The following ZDHHC5 variants were observed in gnomAD, a reference collection of about 807,000 sequenced individuals.
The protein encoded by ZDHHC5 is palmitoyltransferase ZDHHC5.
Under a neutral mutation model 70.0 loss-of-function variants are expected in ZDHHC5, and 22 were observed. The observed-to-expected ratio is 0.31, with a 90% CI of 0.22 to 0.45. The LOEUF (loss-of-function observed/expected upper bound fraction) is 0.45. ZDHHC5 is among the 20% of genes least tolerant of loss of function. The probability of loss-of-function intolerance (pLI) is 1.00; values close to 1 mark genes in which losing one functional copy is unlikely to be tolerated. For synonymous variants in ZDHHC5, 313 were observed against 347.8 expected (o/e 0.90, Z 1.11); for missense variants, 746 against 926.9 (o/e 0.80, Z 2.53).
At chr11:57,673,564 A>C (rs982735172) in intron 2 of ZDHHC5, among the ~76,000 whole-genome samples, 12 of 152,146 alleles carry the variant, frequency 7.9e-5, no homozygotes, top group African/African-American at 2.7e-4. Flanking sequence ...AGAGAACTAG[A>C]CTAGACTAAA....
In ZDHHC5 at chr11:57,699,070, A is replaced by T; in HGVS notation, c.1634A>T (p.Gln545Leu). The T allele has an allele frequency of 6.2e-7, 1 of 1,613,326 alleles. No individual in the cohort carries two copies. The highest frequency in any genetic ancestry group is 8.5e-7 in the Non-Finnish European group (1 of 1,179,876). Reference protein sequence around the residue: ...NLSRHIVASLQEREKLLRQSP... With the variant: ...NLSRHIVASLLEREKLLRQSP... ...TCGCGCCACATTGTGGCCTCTCTCC[A>T]GGAACGAGAGAAGTTGCTGCGCCAG... Residue 545 changes from glutamine (Q) to leucine (L), a missense_variant, in exon 11 of 12, where the codon CAG (glutamine) becomes CTG (leucine). This residue lies in a region of ZDHHC5 where 340 missense variants were observed against 350.1 expected (regional missense o/e 0.97). Transcript: ENST00000287169.
chr11:57,696,997 C>A, intron 10 of ZDHHC5, 124 bp downstream of exon 10: 4 of 943,226 alleles, frequency 4.2e-6, no homozygotes, highest in South Asian at 2.9e-5. Flanking sequence ...GAGATTGAGA[C>A]CGTCCTGGCC....
Position 57,698,643 on chromosome 11 carries a change from G to C in ZDHHC5, c.1207G>C (p.Glu403Gln). The C allele has an allele frequency of 6.2e-7, 1 of 1,614,146 alleles. No homozygotes were observed. The highest frequency in any genetic ancestry group is 8.5e-7 in the Non-Finnish European group (1 of 1,180,030). ...CAGCTACCGCTCAGAGCCCAGCTTG[G>C]AACCAGAGAGCTTCCGTTCTCCTAC... ...HPSYRSEPSL[E>Q]PESFRSPTFG... is the part of the protein sequence containing the mutation. Residue 403 changes from glutamate (E) to glutamine (Q), a missense_variant, in exon 11 of 12, where the codon GAA (glutamate) becomes CAA (glutamine). Around this residue, in one of 6 missense-constraint regions of ZDHHC5, gnomAD observed 179 missense variants for 178.4 expected, o/e 1.00. Transcript: ENST00000287169.
chr11:57,696,011 T>G lies in ZDHHC5; in HGVS notation c.977T>G (p.Leu326Trp). The G allele has an allele frequency of 6.2e-7, 1 of 1,614,028 alleles. No homozygotes were observed. The highest frequency in any genetic ancestry group is 1.1e-5 in the South Asian group (1 of 91,068). Residue 326 changes from leucine to tryptophan, a missense_variant, in exon 9 of 12, where the codon TTG becomes TGG. Leu to Trp is a moderately conservative substitution (Grantham distance 61, BLOSUM62 -2). Around this residue, in one of 6 missense-constraint regions of ZDHHC5, gnomAD observed 179 missense variants for 178.4 expected, o/e 1.00. Transcript: ENST00000287169. ...CCAGACCTGAGCCGTTACACAGGGT[T>G]GCGAACACACCTCGGCTTGGCTACT... ...PKPDLSRYTG[L>W]RTHLGLATNE... is the part of the protein sequence containing the mutation.
rs932383096 is a variant in ZDHHC5 at position 57,695,777 on chromosome 11, CAG to C, written c.886-140_886-139del. 92 of 1,140,272 alleles carry C rather than the reference CAG, an allele frequency of 8.1e-5. No homozygotes were observed. The African/African-American group carries it at 1.4e-3, about 17-fold the overall frequency. 70.6% of individuals were successfully genotyped at this position (1,140,272 alleles called of 1,614,324 possible). A position where few individuals can be genotyped will look rare whatever the true frequency, so the allele number is the denominator to read the frequency against. On this transcript the variant is annotated intron_variant, in intron 8 of 11. Coordinates refer to ENST00000287169, the MANE Select transcript of ZDHHC5 (RefSeq NM_015457.3). The stretch of plus-strand genomic sequence containing the variant: ...TACCACTGTACTCCAGCCTGGTCAA[CAG>C]AGTGAGACCTTGTCTCAAAAAAAAA...
intron 2 of ZDHHC5, among the ~76,000 whole-genome samples, chr11:57,679,223 G>A (rs945931087): frequency 8.5e-5 from 13 of 152,070 alleles, no homozygotes; most frequent in African/African-American, 2.7e-4. Flanking sequence ...GTGAAGTGGC[G>A]CGATCTTGGC....
At chr11:57,696,681 T>TGGACAGTA in intron 9 of ZDHHC5, 80 bp from the exon 10 acceptor site, 1 of 1,290,946 alleles carries the variant, frequency 7.7e-7, no homozygotes, top group Non-Finnish European at 1.1e-6. Context: ...CACTCTAGCT[T>TGGACAGTA]GGACAGTAGA....
In ZDHHC5 at chr11:57,696,051, C is replaced by T; in HGVS notation, c.1009+8C>T. On this transcript the variant is annotated splice_region_variant and intron_variant, in intron 9 of 11. Transcript: ENST00000287169. ...GCTTGGCTACTAATGAGGGTAAGGG[C>T]TGCCTTGATTTGCAAGATACTAGAA... The T allele has an allele frequency of 1.2e-6, 2 of 1,605,490 alleles. No individual in the cohort carries two copies. The highest frequency in any genetic ancestry group is 1.7e-6 in the Non-Finnish European group (2 of 1,177,432).
At chr11:57,669,592 G>A (rs1056969390) in intron 1 of ZDHHC5, among the ~76,000 whole-genome samples, 7 of 152,150 alleles carry the variant, frequency 4.6e-5, no homozygotes, top group African/African-American at 1.7e-4. Context: ...TAGTAGCTGG[G>A]ATTTCAGGCA....
rs759453439 is a variant in ZDHHC5 at position 57,690,051 on chromosome 11, C to A, written c.405C>A (p.Pro135=). ...NCVEEFDHHC[P]WVNNCIGRRN... ...CCTAGGAATTTGATCATCACTGCCC[C>A]TGGGTGAATAACTGTATTGGTCGCC... The change falls in exon 5 of 12, where the codon CCC becomes CCA. Residue 135 remains proline (P), a synonymous_variant. Transcript: ENST00000287169. 2.4e-5 allele frequency: 38 copies of A among 1,614,020 alleles called. No homozygotes were observed. Among genetic ancestry groups the A allele is most frequent in the Non-Finnish European group, 3.1e-5 (37 of 1,180,046 alleles).
intron 1 of ZDHHC5, among the ~76,000 whole-genome samples, chr11:57,668,757 G>A (rs1945960946): frequency 6.6e-6 from 1 of 152,194 alleles, no homozygotes; most frequent in Non-Finnish European, 1.5e-5. Flanking sequence ...TCCTCCTACC[G>A]CCACCAGCCG....
chr11:57,672,885 T>A lies in ZDHHC5; in HGVS notation c.-206T>A. 1.9e-6 allele frequency: 1 copy of A among 522,904 alleles called. No homozygotes were observed. Among genetic ancestry groups the A allele is most frequent in the Non-Finnish European group, 3.5e-6 (1 of 288,960 alleles). The allele number at this position is 522,904 out of a possible 1,614,324, so 32.4% of individuals were successfully genotyped here. A position where few individuals can be genotyped will look rare whatever the true frequency, so the allele number is the denominator to read the frequency against. On this transcript the variant is annotated 5_prime_UTR_variant, in exon 2 of 12. Coordinates refer to ENST00000287169, the MANE Select transcript of ZDHHC5 (RefSeq NM_015457.3). Reference sequence around the variant, plus strand: ...TGGTTATTCATCATTTGGAATCACCTTTCCCCCTCCCATGTGCTTTCCTTC... The same window carrying A: ...TGGTTATTCATCATTTGGAATCACCATTCCCCCTCCCATGTGCTTTCCTTC...
chr11:57,669,828 C>G (rs1351754075), intron 1 of ZDHHC5, among the ~76,000 whole-genome samples: 2 of 152,242 alleles, frequency 1.3e-5, no homozygotes, highest in African/African-American at 4.8e-5. Flanking sequence ...ATGAACCATA[C>G]TCACCCTTGT....
chr11:57,689,677 A>AT (rs10561191), intron 4 of ZDHHC5, among the ~76,000 whole-genome samples: 2,276 of 135,516 alleles, frequency 0.017, 29 homozygotes, highest in African/African-American at 0.031. Flanking sequence ...CGCCCGGCCA[A>AT]TTTTTTTTTT....
intron 3 of ZDHHC5, 108 bp downstream of exon 3, chr11:57,682,651 T>C: frequency 1.5e-6 from 2 of 1,351,010 alleles, no homozygotes; most frequent in Non-Finnish European, 2.0e-6. Context: ...TTTTGGGATA[T>C]GAAAAATAAT....
Position 57,690,191 on chromosome 11 carries a change from G to A in ZDHHC5, c.545G>A (p.Arg182His), listed in dbSNP as rs141814126. ...LYHIEELSGVRTAVTMAVMCV... is the reference protein window; with the variant it reads ...LYHIEELSGVHTAVTMAVMCV... ...CACATAGAGGAACTCTCAGGGGTCC[G>A]CACGGCTGTCACGTATCCTTCAAGG... is the stretch of plus-strand genomic sequence containing the variant. The change falls in exon 5 of 12, where the codon CGC (arginine) becomes CAC (histidine). Residue 182 changes from arginine to histidine, a missense_variant. Transcript: ENST00000287169. 35 of 1,614,034 alleles carry A rather than the reference G, an allele frequency of 2.2e-5. No individual in the cohort carries two copies. The highest frequency in any genetic ancestry group is 2.0e-4 in the African/African-American group (15 of 74,994).
chr11:57,674,759 T>C (rs1454821682), intron 2 of ZDHHC5, among the ~76,000 whole-genome samples: 1 of 152,170 alleles, frequency 6.6e-6, no homozygotes, highest in South Asian at 2.1e-4. Flanking sequence ...GTAATACTGA[T>C]GTATTTCTCT....
chr11:57,676,909 ATTTTTTTTTTTTTTTTT>A lies in ZDHHC5; in HGVS notation c.104+3729_104+3745del, dbSNP rs72474322. ...CAGGATAAGATCTCTGCTTCACGTG[ATTTTTTTTTTTTTTTTT>A]TTTTTTTTTTTTTGAGATGGAGTCT... On this transcript the variant is annotated intron_variant, in intron 2 of 11. Transcript: ENST00000287169. Among the ~76,000 whole-genome samples, 90 of 80,990 alleles carry A rather than the reference ATTTTTTTTTTTTTTTTT, an allele frequency of 1.1e-3. 2 individuals are homozygous for A. The highest frequency in any genetic ancestry group is 7.1e-3 in the Middle Eastern group (1 of 140). The allele number at this position is 80,990 out of a possible 152,430, so 53.1% of individuals were successfully genotyped here.
intron 3 of ZDHHC5, 22 bp from the exon 4 acceptor site, chr11:57,688,486 A>T (rs772557732): frequency 3.9e-6 from 6 of 1,521,856 alleles, no homozygotes; most frequent in Non-Finnish European, 3.5e-6. Context: ...AGTTGTTTTT[A>T]ATTGACTTTT....
Sources: allele counts gnomAD v4.1 joint callset (sites outside exome capture counted in the v4.1 genomes callset), GRCh38; gene constraint gnomAD v4.1.1; regional missense constraint gnomAD v4.1.1; transcripts MANE v1.5; gene names NCBI Gene and HGNC (gene_info 2026-07-23, HGNC 2026-07-21).